BBOF1: variants seen among roughly 807,000 people sequenced by gnomAD.
BBOF1 encodes the protein basal body orientation factor 1.
In BBOF1, 62 loss-of-function variants were observed where a neutral mutation model predicts 68.0. The ratio of observed to expected loss-of-function variants is 0.91; its 90% confidence interval spans 0.74 to 1.13. The LOEUF (loss-of-function observed/expected upper bound fraction) is 1.13. BBOF1 is among the 50% of genes most tolerant of loss of function. BBOF1 has a pLI of 0.00. For missense variants in BBOF1, 534 were observed against 600.1 expected, an observed-to-expected ratio of 0.89 and a Z score of 1.15; for synonymous variants, 208 against 198.8, an observed-to-expected ratio of 1.05 and a Z score of -0.39.
intron 4 of BBOF1, among the ~76,000 whole-genome samples, chr14:74,039,679 C>T (rs4899490): frequency 0.24 from 36,333 of 151,324 alleles, 4,925 homozygotes; most frequent in South Asian, 0.46. Context: ...CTCAGGTCAT[C>T]CACCCGCCTC....
intron 8 of BBOF1, among the ~76,000 whole-genome samples, chr14:74,054,300 G>A (rs946409437): frequency 5.3e-5 from 8 of 151,776 alleles, no homozygotes; most frequent in South Asian, 2.1e-4. Flanking sequence ...GTGAGCCACC[G>A]CACCTGGCCT....
intron 5 of BBOF1, among the ~76,000 whole-genome samples, chr14:74,045,468 C>G (rs537440387): frequency 6.6e-6 from 1 of 152,060 alleles, no homozygotes; most frequent in Non-Finnish European, 1.5e-5. Context: ...TGCCACCACA[C>G]TGGGCTAATT....
At chr14:74,069,090 TTTTACTTTTTC>T, downstream of BBOF1, 4 of 1,164,322 alleles carry the variant, frequency 3.4e-6, no homozygotes, top group East Asian at 2.8e-5. Flanking sequence ...TGTGTTTTTC[TTTTACTTTTTC>T]TTTTTTTTTT....
In BBOF1 at chr14:74,040,612, T is replaced by C. The variant is rs372012489; in HGVS notation, c.543T>C (p.Leu181=). Residue 181 remains leucine, a synonymous_variant, in exon 5 of 12, where the codon CTT becomes CTC. Coordinates refer to ENST00000394009, the MANE Select transcript of BBOF1 (RefSeq NM_025057.3). ...CAGAGCGGATACATCAGGAGACTCT[T>C]AGAAGACTGGAAAGCAGATTTTTTG... ...RNTERIHQET[L]RRLESRFFEE... The C allele has an allele frequency of 5.2e-5, 83 of 1,594,606 alleles. No individual in the cohort carries two copies. In the African/African-American group the frequency reaches 9.1e-4, roughly 17 times the overall value.
Position 74,082,408 on chromosome 14 carries a change from T to TTG in BBOF1, n.1640-379_1640-378insGT, listed in dbSNP as rs1205574418. Among the ~76,000 whole-genome samples the TTG allele has an allele frequency of 2.1e-4, 30 of 142,036 alleles. 2 individuals carry two copies. In the East Asian group the frequency reaches 4.8e-3, roughly 23 times the overall value. The allele number at this position is 142,036 out of a possible 152,430, so 93.2% of individuals were successfully genotyped here. ...CAAAATCGAGGTTTTTTTTTTTTTT[T>TTG]TTTTTTTTTTTGATGGAGTCTTGCT... On this transcript the variant is annotated intron_variant and non_coding_transcript_variant, in intron 12 of 12. Transcript: ENST00000492026.
chr14:74,075,567 G>A (rs1299733974), intron 9 of BBOF1, among the ~76,000 whole-genome samples: 2 of 151,984 alleles, frequency 1.3e-5, no homozygotes, highest in African/African-American at 4.8e-5. Context: ...CAAGGTGGGA[G>A]GATTGCTTCA....
chr14:74,075,967 T>G (rs1043870891), intron 9 of BBOF1, among the ~76,000 whole-genome samples: 5 of 152,158 alleles, frequency 3.3e-5, no homozygotes, highest in African/African-American at 1.2e-4. Flanking sequence ...AGACAGAAGT[T>G]AGATAATAAA....
intron 3 of BBOF1, among the ~76,000 whole-genome samples, chr14:74,030,921 C>CAT (rs71460943): frequency 0.037 from 5,521 of 147,300 alleles, 123 homozygotes; most frequent in Non-Finnish European, 0.054. Context: ...AAGTCATAAA[C>CAT]ATATATATAT....
At chr14:74,024,661 T>A (rs899063706) in intron 2 of BBOF1, among the ~76,000 whole-genome samples, 7 of 152,112 alleles carry the variant, frequency 4.6e-5, no homozygotes, top group African/African-American at 1.7e-4. Context: ...AGACAGGGTT[T>A]CGCCATGTTG....
Position 74,051,500 on chromosome 14 carries a change from G to A in BBOF1, c.1286+1305G>A, listed in dbSNP as rs1306084788. Among the ~76,000 whole-genome samples, 4 of 151,752 alleles carry A rather than the reference G, an allele frequency of 2.6e-5. 1 individual carries two copies. In the East Asian group the frequency reaches 5.8e-4, roughly 22 times the overall value. On this transcript the variant is annotated intron_variant, in intron 8 of 11. Coordinates refer to ENST00000394009, the MANE Select transcript of BBOF1 (RefSeq NM_025057.3). ...TGTCCCATGGATTGGAGGACAATCA[G>A]TAGTGCCCCCAGCATTGTATTAACC...
Position 74,065,482 on chromosome 14 carries a change from C to G in BBOF1, c.*783C>G. On this transcript the variant is annotated 3_prime_UTR_variant, in exon 12 of 12. Transcript: ENST00000394009. ...TGGACAACTTTCATATTACTAATCT[C>G]TTTTCATTTCAAATCACCTATTTAA... The G allele has an allele frequency of 1.1e-6, 1 of 905,982 alleles. No homozygotes were observed. The highest frequency in any genetic ancestry group is 1.7e-6 in the Non-Finnish European group (1 of 581,354). The allele number at this position is 905,982 out of a possible 1,614,324, so 56.1% of individuals were successfully genotyped here.
downstream of BBOF1, chr14:74,069,108 T>TC: frequency 4.6e-6 from 5 of 1,089,710 alleles, no homozygotes; most frequent in African/African-American, 5.2e-5. Flanking sequence ...TTTCTTTTTT[T>TC]TTTTTTTTTT....
rs145269106 is a variant in BBOF1 at position 74,044,651 on chromosome 14, C to T, written c.577-1409C>T. Among the ~76,000 whole-genome samples, 1,264 of 152,066 alleles carry T rather than the reference C, an allele frequency of 8.3e-3. 17 individuals are homozygous for T. The highest frequency in any genetic ancestry group is 0.029 in the African/African-American group (1,196 of 41,484). ...TTAAAAAAAATTTTTTTTGGCCAGG[C>T]GCGGTGGTTCATGCCTGTAATCCCA... On this transcript the variant is annotated intron_variant, in intron 5 of 11. Coordinates refer to ENST00000394009, the MANE Select transcript of BBOF1 (RefSeq NM_025057.3).
In BBOF1 at chr14:74,019,373, C is replaced by A; in HGVS notation, c.-106C>A. 3 of 1,391,080 alleles carry A rather than the reference C, an allele frequency of 2.2e-6. No homozygotes were observed. Among genetic ancestry groups the A allele is most frequent in the Non-Finnish European group, 2.8e-6 (3 of 1,063,212 alleles). 86.2% of individuals were successfully genotyped at this position (1,391,080 alleles called of 1,614,324 possible). On this transcript the variant is annotated 5_prime_UTR_variant, in exon 1 of 12. Transcript: ENST00000394009. ...CGCTCTCCGCGCGCCGTCAGCGGCG[C>A]GGGTGGGGCATTGCCAGCTCGGCGT...
intron 7 of BBOF1, among the ~76,000 whole-genome samples, chr14:74,049,141 C>T (rs1307002762): frequency 2.0e-5 from 3 of 152,058 alleles, no homozygotes; most frequent in African/African-American, 7.2e-5. Context: ...CCCAAAGCTC[C>T]AGGATTACAG....
chr14:74,075,071 A>G, intron 9 of BBOF1: 1 of 1,545,874 alleles, frequency 6.5e-7, no homozygotes, highest in South Asian at 1.1e-5. Context: ...AGTTATTTAA[A>G]ATTTAGCAAA....
chr14:74,078,256 G>A, exon 10 of BBOF1: 1 of 455,926 alleles, frequency 2.2e-6, no homozygotes, highest in South Asian at 1.5e-5. Context: ...CTACAAAACT[G>A]AACTCAACCT....
chr14:74,026,538 T>G (rs66941731), intron 2 of BBOF1, among the ~76,000 whole-genome samples: 1 of 151,424 alleles, frequency 6.6e-6, no homozygotes, highest in Non-Finnish European at 1.5e-5. Flanking sequence ...TGAAGGGGCT[T>G]CCATTGGCCA....
intron 11 of BBOF1, chr14:74,057,945 A>T (rs1009640380): frequency 8.4e-6 from 8 of 957,070 alleles, no homozygotes; most frequent in Non-Finnish European, 8.7e-6. Context: ...AATGTTAGGA[A>T]TCTCTGTGAC....
Sources: allele counts gnomAD v4.1 joint callset (sites outside exome capture counted in the v4.1 genomes callset), GRCh38; gene constraint gnomAD v4.1.1; transcripts MANE v1.5; gene names NCBI Gene and HGNC (gene_info 2026-07-23, HGNC 2026-07-21).